The following KCNN2 variants were observed in gnomAD, a reference collection of about 807,000 sequenced individuals.
The protein encoded by KCNN2 is potassium calcium-activated channel subfamily N member 2.
Under a neutral mutation model 55.5 loss-of-function variants are expected in KCNN2, and 24 were observed. The observed-to-expected ratio is 0.43, with a 90% CI of 0.31 to 0.61. The LOEUF is 0.61. KCNN2 is among the 20% of genes least tolerant of loss of function. The pLI is 0.08. For synonymous variants in KCNN2, 431 were observed against 336.1 expected, an observed-to-expected ratio of 1.28 and a Z score of -3.09; for missense variants, 754 against 853.6, an observed-to-expected ratio of 0.88 and a Z score of 1.45.
intron 1 of KCNN2, among the ~76,000 whole-genome samples, chr5:114,166,782 G>C (rs1004725092): frequency 6.6e-6 from 1 of 152,096 alleles, no homozygotes; most frequent in Non-Finnish European, 1.5e-5. Flanking sequence ...ATGGTATTAG[G>C]GGGGTAGGGC....
chr5:114,218,207 A>G (rs1430339117), intron 1 of KCNN2, among the ~76,000 whole-genome samples: 2 of 152,234 alleles, frequency 1.3e-5, no homozygotes, highest in South Asian at 2.1e-4. Context: ...TAGTCTTCCT[A>G]TATTACATAG....
intron 2 of KCNN2, among the ~76,000 whole-genome samples, chr5:114,402,458 G>A (rs144284738): frequency 1.4e-4 from 21 of 152,288 alleles, no homozygotes; most frequent in Admixed American, 8.5e-4. Context: ...TGACTTTGTA[G>A]ACTCTACTGA....
intron 2 of KCNN2, among the ~76,000 whole-genome samples, chr5:114,241,638 TC>T (rs1754622403): frequency 2.0e-5 from 3 of 149,032 alleles, no homozygotes; most frequent in Non-Finnish European, 4.5e-5. Context: ...AAAAACGTAA[TC>T]TATGTTAAAT....
At chr5:114,143,406 A>T (rs1444921487) in intron 1 of KCNN2, among the ~76,000 whole-genome samples, 1 of 152,312 alleles carries the variant, frequency 6.6e-6, no homozygotes, top group East Asian at 1.9e-4. Context: ...CAATCCATAG[A>T]AACAACGTGA....
Position 114,111,063 on chromosome 5 carries a change from T to C in KCNN2, c.-271+54563T>C, listed in dbSNP as rs566360153. On this transcript the variant is annotated intron_variant, in intron 1 of 10. Coordinates refer to the KCNN2 transcript ENST00000512097. ...AAGACCAAATCTGGAAGCCTCGTGCTACCTGACTTCAAACTATACTACGAG... is the reference window on the plus strand; with the variant it reads ...AAGACCAAATCTGGAAGCCTCGTGCCACCTGACTTCAAACTATACTACGAG... 4.6e-5 allele frequency among the ~76,000 whole-genome samples: 7 copies of C among 152,274 alleles called. No homozygotes were observed. The South Asian group carries it at 1.5e-3, about 32-fold the overall frequency.
intron 4 of KCNN2, among the ~76,000 whole-genome samples, chr5:114,472,314 G>C (rs1322567085): frequency 1.3e-5 from 2 of 152,184 alleles, no homozygotes; most frequent in Non-Finnish European, 2.9e-5. Flanking sequence ...GTAATTCTTA[G>C]AGTACCACAC....
At chr5:114,455,693 A>C (rs1248904578) in intron 3 of KCNN2, among the ~76,000 whole-genome samples, 2 of 152,382 alleles carry the variant, frequency 1.3e-5, no homozygotes, top group African/African-American at 4.8e-5. Flanking sequence ...TTGTGAATGC[A>C]AAGGAAAAGT....
At chr5:114,469,405 C>T (rs566408194) in intron 4 of KCNN2, among the ~76,000 whole-genome samples, 2 of 152,110 alleles carry the variant, frequency 1.3e-5, no homozygotes, top group African/African-American at 4.8e-5. Flanking sequence ...TTTTAAATGC[C>T]CAAGCATCTT....
intron 1 of KCNN2, among the ~76,000 whole-genome samples, chr5:114,120,674 G>A (rs1751809083): frequency 6.6e-6 from 1 of 152,144 alleles, no homozygotes; most frequent in African/African-American, 2.4e-5. Context: ...TGTAAGCAGT[G>A]GGAGATGGGG....
intron 1 of KCNN2, among the ~76,000 whole-genome samples, chr5:114,071,187 G>C (rs973636647): frequency 6.6e-6 from 1 of 152,184 alleles, no homozygotes; most frequent in Non-Finnish European, 1.5e-5. Context: ...ATTTCTGAAA[G>C]GTCCAGAGAA....
chr5:114,293,774 T>C (rs1309001563), intron 2 of KCNN2, among the ~76,000 whole-genome samples: 1 of 152,162 alleles, frequency 6.6e-6, no homozygotes, highest in East Asian at 1.9e-4. Flanking sequence ...ATGGTACCAG[T>C]TCCTCCTTTT....
intron 1 of KCNN2, among the ~76,000 whole-genome samples, chr5:114,175,551 T>C (rs1463658500): frequency 6.6e-6 from 1 of 152,192 alleles, no homozygotes; most frequent in Non-Finnish European, 1.5e-5. Context: ...GTATTATTTT[T>C]ATGCTGAAGA....
chr5:114,486,385 A>G (rs1459785), intron 5 of KCNN2, among the ~76,000 whole-genome samples: 30 of 152,332 alleles, frequency 2.0e-4, no homozygotes, highest in African/African-American at 6.5e-4. Context: ...TTAAGTATCC[A>G]TGCCTTTCAT....
intron 2 of KCNN2, among the ~76,000 whole-genome samples, chr5:114,387,344 A>T (rs528547540): frequency 6.6e-6 from 1 of 152,228 alleles, no homozygotes; most frequent in East Asian, 1.9e-4. Flanking sequence ...TAATGTAACA[A>T]CATATGGCAG....
chr5:114,075,320 T>A (rs1205169853), intron 1 of KCNN2, among the ~76,000 whole-genome samples: 1 of 152,118 alleles, frequency 6.6e-6, no homozygotes, highest in Non-Finnish European at 1.5e-5. Context: ...CAGAAGCAAA[T>A]CATCTGAGGA....
At chr5:114,271,980 G>A (rs992334123) in intron 2 of KCNN2, among the ~76,000 whole-genome samples, 3 of 152,096 alleles carry the variant, frequency 2.0e-5, no homozygotes, top group Non-Finnish European at 2.9e-5. Flanking sequence ...GCAGTATCTG[G>A]CATTTAATAA....
intron 1 of KCNN2, among the ~76,000 whole-genome samples, chr5:114,212,894 A>ATT (rs1224275520): frequency 2.0e-5 from 3 of 152,038 alleles, no homozygotes; most frequent in African/African-American, 7.2e-5. Flanking sequence ...AATTATGTGA[A>ATT]TGTTTTTATA....
intron 2 of KCNN2, among the ~76,000 whole-genome samples, chr5:114,381,670 T>C (rs1758130375): frequency 6.6e-6 from 1 of 152,266 alleles, no homozygotes; most frequent in Non-Finnish European, 1.5e-5. Context: ...TAACATCACC[T>C]CCTCTGTGAA....
intron 2 of KCNN2, among the ~76,000 whole-genome samples, chr5:114,333,370 T>G (rs994753304): frequency 1.3e-5 from 2 of 152,202 alleles, no homozygotes; most frequent in African/African-American, 4.8e-5. Flanking sequence ...TCTGCCGTGT[T>G]CTCTCTTATT....
Sources: allele counts gnomAD v4.1 joint callset (sites outside exome capture counted in the v4.1 genomes callset), GRCh38; gene constraint gnomAD v4.1.1; transcripts MANE v1.5; gene names NCBI Gene and HGNC (gene_info 2026-07-23, HGNC 2026-07-21).